Variants in DGKH observed in about 807,000 individuals in gnomAD.
DGKH encodes the protein DAG kinase eta.
A neutral mutation model predicts 159.3 loss-of-function variants in DGKH; 90 were observed. The ratio of observed to expected loss-of-function variants is 0.57; its 90% confidence interval spans 0.48 to 0.67. The LOEUF (loss-of-function observed/expected upper bound fraction) is 0.67, where lower values mean the gene tolerates loss of function less well. Ranked by LOEUF, DGKH falls within the 30% of genes least tolerant of loss-of-function variation. DGKH has a pLI of 0.00. For missense variants in DGKH, 1,181 were observed against 1,506.1 expected, an observed-to-expected ratio of 0.78 and a Z score of 3.57; for synonymous variants, 536 against 553.8, an observed-to-expected ratio of 0.97 and a Z score of 0.45.
chr13:42,214,652 T>G, intron 25 of DGKH, 40 bp downstream of exon 25: 1 of 1,598,908 alleles, frequency 6.3e-7, no homozygotes, highest in Non-Finnish European at 8.5e-7. Flanking sequence ...ACAGATTCTT[T>G]TGGGTGTTAC....
At chr13:42,130,091 T>A (rs1955257769) in intron 3 of DGKH, among the ~76,000 whole-genome samples, 1 of 152,238 alleles carries the variant, frequency 6.6e-6, no homozygotes, top group Admixed American at 6.5e-5. Flanking sequence ...TCCAGTTTCT[T>A]CTTTTCTGAT....
At chr13:42,065,679 C>T (rs753021466) in intron 1 of DGKH, among the ~76,000 whole-genome samples, 2 of 151,852 alleles carry the variant, frequency 1.3e-5, no homozygotes, top group African/African-American at 2.4e-5. Context: ...AAGGGAGAGG[C>T]GAATATGAGC....
Position 42,112,798 on chromosome 13 carries a change from C to T in DGKH, c.193-14665C>T, listed in dbSNP as rs138017694. On this transcript the variant is annotated intron_variant, in intron 1 of 29. Coordinates refer to ENST00000337343, the MANE Select transcript of DGKH (RefSeq NM_178009.5). ...CCTTGTTCCCGCTGTAGTTCTTCCA[C>T]CAGCATTTGCTTTCCTGGCGAGGTC... Among the ~76,000 whole-genome samples the T allele has an allele frequency of 1.2e-3, 190 of 152,306 alleles. 1 individual carries two copies. The highest frequency in any genetic ancestry group is 4.4e-3 in the African/African-American group (184 of 41,560).
chr13:42,065,302 G>A (rs1293913644), intron 1 of DGKH, among the ~76,000 whole-genome samples: 3 of 152,182 alleles, frequency 2.0e-5, no homozygotes, highest in Non-Finnish European at 4.4e-5. Flanking sequence ...TTTTATCATA[G>A]ATCTAGCTAA....
intron 1 of DGKH, chr13:42,069,630 A>G: frequency 7.1e-7 from 1 of 1,417,492 alleles, no homozygotes; most frequent in Non-Finnish European, 9.7e-7. Context: ...TTCTTTTCTT[A>G]TCAGATTTTT....
intron 1 of DGKH, chr13:42,070,942 AT>A: frequency 7.7e-7 from 1 of 1,298,898 alleles, no homozygotes; most frequent in East Asian, 2.3e-5. Context: ...GGTAAGGACA[AT>A]TTTCTTGATG....
rs1217153456 is a variant in DGKH at position 42,240,033 on chromosome 13, T to G, written c.*10845T>G. 1 of 152,250 alleles carries G rather than the reference T, an allele frequency of 6.6e-6. No individual in the cohort carries two copies. Among genetic ancestry groups the G allele is most frequent in the Non-Finnish European group, 1.5e-5 (1 of 68,042 alleles). The allele number at this position is 152,250 out of a possible 1,614,324, so 9.4% of individuals were successfully genotyped here. A position where few individuals can be genotyped will look rare whatever the true frequency, so the allele number is the denominator to read the frequency against. ...ATGCCTATAGTATATTGAAACTTTT[T>G]CTGTTAAAATAACATAACATTTCAA... is the stretch of plus-strand genomic sequence containing the variant. On this transcript the variant is annotated 3_prime_UTR_variant, in exon 30 of 30. Transcript: ENST00000337343.
chr13:42,194,430 G>C (rs76892720), intron 16 of DGKH, among the ~76,000 whole-genome samples: 4,651 of 152,274 alleles, frequency 0.031, 91 homozygotes, highest in Middle Eastern at 0.065. Context: ...ACCACACCTG[G>C]CCTCTTCCAT....
intron 14 of DGKH, among the ~76,000 whole-genome samples, chr13:42,187,366 A>T (rs972755914): frequency 6.6e-6 from 1 of 152,108 alleles, no homozygotes; most frequent in Non-Finnish European, 1.5e-5. Context: ...CCTAACTCAA[A>T]TCCCTGTCCC....
intron 1 of DGKH, chr13:42,070,811 C>G: frequency 6.9e-7 from 1 of 1,440,346 alleles, no homozygotes; most frequent in Non-Finnish European, 9.7e-7. Flanking sequence ...AGAGAGCCCA[C>G]ATCATCTGTT....
intron 11 of DGKH, among the ~76,000 whole-genome samples, chr13:42,169,483 A>G (rs939005888): frequency 2.1e-4 from 32 of 152,172 alleles, no homozygotes; most frequent in Non-Finnish European, 3.8e-4. Flanking sequence ...GGAAGTGTTT[A>G]AAATTTGGGT....
intron 1 of DGKH, among the ~76,000 whole-genome samples, chr13:42,074,907 C>A (rs535901079): frequency 6.6e-6 from 1 of 152,242 alleles, no homozygotes; most frequent in African/African-American, 2.4e-5. Context: ...GTGTGCCACT[C>A]ATGAAATAAG....
chr13:42,109,864 G>T (rs1171376480), intron 1 of DGKH, among the ~76,000 whole-genome samples: 1 of 152,094 alleles, frequency 6.6e-6, no homozygotes, highest in Admixed American at 6.5e-5. Flanking sequence ...CTAGAACTGG[G>T]TTATCCTTTT....
chr13:42,201,619 C>A (rs1021469189), intron 20 of DGKH, among the ~76,000 whole-genome samples: 12 of 152,060 alleles, frequency 7.9e-5, no homozygotes, highest in Non-Finnish European at 1.5e-4. Flanking sequence ...GGTTCTTAAT[C>A]TTTTTTGAGT....
intron 23 of DGKH, 133 bp from the exon 24 acceptor site, chr13:42,210,469 A>C: frequency 1.2e-6 from 1 of 859,986 alleles, no homozygotes; most frequent in Non-Finnish European, 1.8e-6. Flanking sequence ...AAACTTTGAA[A>C]TGTCTTTTTT....
At position 42,168,724 on chromosome 13, in the gene DGKH, C is replaced by G; in HGVS notation, c.1273C>G (p.Arg425Gly). The G allele has an allele frequency of 6.2e-7, 1 of 1,614,122 alleles. No homozygotes were observed. Among genetic ancestry groups the G allele is most frequent in the Non-Finnish European group, 8.5e-7 (1 of 1,180,002 alleles). Residue 425 changes from arginine to glycine, a missense_variant, in exon 11 of 30, where the codon CGA becomes GGA. Coordinates refer to ENST00000337343, the MANE Select transcript of DGKH (RefSeq NM_178009.5). ...TTTGGGTACAGGAAATGACCTTGCCCGAGTTCTTGGCTGGGGAGGTTCATA... is the reference window on the plus strand; with the variant it reads ...TTTGGGTACAGGAAATGACCTTGCCGGAGTTCTTGGCTGGGGAGGTTCATA... ...LPLGTGNDLA[R>G]VLGWGGSYDD...
intron 11 of DGKH, among the ~76,000 whole-genome samples, chr13:42,173,018 C>A (rs1397601821): frequency 6.6e-6 from 1 of 152,022 alleles, no homozygotes; most frequent in African/African-American, 2.4e-5. Context: ...GTCGCCCAGG[C>A]TGGAGTGCAG....
intron 21 of DGKH, among the ~76,000 whole-genome samples, chr13:42,207,091 TTC>T (rs1957511367): frequency 7.2e-6 from 1 of 138,646 alleles, no homozygotes; most frequent in Non-Finnish European, 1.6e-5. Context: ...CTTTCTTTCT[TTC>T]TTTCTTTCTT....
chr13:42,131,680 G>A (rs533249386), intron 3 of DGKH, among the ~76,000 whole-genome samples: 2 of 152,290 alleles, frequency 1.3e-5, no homozygotes, highest in African/African-American at 2.4e-5. Flanking sequence ...GTTGTTACTC[G>A]CTGTGCTTAT....
Sources: gnomAD v4.1 joint callset for allele counts (sites outside exome capture counted in the v4.1 genomes callset) on GRCh38, gnomAD v4.1.1 for gene constraint, MANE v1.5 for transcripts, NCBI Gene and HGNC (gene_info 2026-07-23, HGNC 2026-07-21) for gene names.